Variants in ANKS3 observed in about 807,000 individuals in gnomAD.
ANKS3 encodes ankyrin repeat and sterile alpha motif domain containing 3.
In ANKS3, 62 loss-of-function variants were observed where a neutral mutation model predicts 80.7. That is an observed-to-expected ratio of 0.77 (90% CI 0.63 to 0.95). The LOEUF is 0.95. Ranked by LOEUF, ANKS3 falls within the 40% of genes least tolerant of loss-of-function variation. The pLI is 0.00. For synonymous variants in ANKS3, 489 were observed against 355.3 expected, an observed-to-expected ratio of 1.38 and a Z score of -4.23; for missense variants, 1,150 against 883.6, an observed-to-expected ratio of 1.30 and a Z score of -3.82.
chr16:4,733,368 T>A (rs1374930282), intron 1 of ANKS3, among the ~76,000 whole-genome samples: 1 of 152,010 alleles, frequency 6.6e-6, no homozygotes, highest in Non-Finnish European at 1.5e-5. Context: ...CTCGGCTCAA[T>A]GCAACCTCCG....
In ANKS3 at chr16:4,697,457, C is replaced by T. The variant is rs190818269; in HGVS notation, c.1811-41G>A. On this transcript the variant is annotated intron_variant, in intron 15 of 17. Coordinates refer to ENST00000304283, the MANE Select transcript of ANKS3 (RefSeq NM_133450.4). ...AGGGACCGAGTTAGCTGGGGGTCTGCGTCCCCACAGGCCCTGCTTTATTCT... is the reference window on the plus strand; with the variant it reads ...AGGGACCGAGTTAGCTGGGGGTCTGTGTCCCCACAGGCCCTGCTTTATTCT... The T allele has an allele frequency of 5.9e-5, 87 of 1,481,358 alleles. No individual in the cohort carries two copies. In the East Asian group the frequency reaches 8.2e-4, roughly 14 times the overall value. The allele number at this position is 1,481,358 out of a possible 1,614,324, so 91.8% of individuals were successfully genotyped here. A position where few individuals can be genotyped will look rare whatever the true frequency, so the allele number is the denominator to read the frequency against.
In ANKS3 at chr16:4,705,138, G is replaced by C. The variant is rs1044189911; in HGVS notation, c.825C>G (p.Ile275Met). Reference sequence around the variant, plus strand: ...CTCTGCCGCCCAGGCCAATGCCTGTGATCCTGGCCAGGGCTCGCGGTCCCT... The same window carrying C: ...CTCTGCCGCCCAGGCCAATGCCTGTCATCCTGGCCAGGGCTCGCGGTCCCT... ...IHEGPRALAR[I>M]TGIGLGGRAP... Residue 275 changes from isoleucine (I) to methionine (M), a missense_variant, in exon 8 of 18, where the codon ATC becomes ATG. Physicochemically the swap from Ile to Met is conservative, Grantham distance 10. Transcript: ENST00000304283. The C allele has an allele frequency of 1.9e-6, 3 of 1,613,484 alleles. No homozygotes were observed. The East Asian group carries it at 6.7e-5, about 36-fold the overall frequency.
rs981152304 is a variant in ANKS3 at position 4,702,178 on chromosome 16, CTCT to C, written c.930_932del (p.Glu311del). The C allele has an allele frequency of 6.3e-7, 1 of 1,593,854 alleles. No individual in the cohort carries two copies. The highest frequency in any genetic ancestry group is 1.4e-5 in the African/African-American group (1 of 73,490). On this transcript the variant is annotated inframe_deletion, in exon 9 of 18. Coordinates refer to ENST00000304283, the MANE Select transcript of ANKS3 (RefSeq NM_133450.4). ...AGGTGACATCCCGGCAGCAGAGGCC[CTCT>C]TCTTCCAGGGGGTTCTCGCCACTGC...
intron 7 of ANKS3, among the ~76,000 whole-genome samples, chr16:4,707,629 A>C (rs1278696429): frequency 6.6e-6 from 1 of 152,164 alleles, no homozygotes; most frequent in East Asian, 1.9e-4. Flanking sequence ...AATCTATAAC[A>C]AGTTATGAAA....
intron 7 of ANKS3, among the ~76,000 whole-genome samples, chr16:4,706,289 G>A (rs1418730109): frequency 6.6e-6 from 1 of 151,820 alleles, no homozygotes; most frequent in East Asian, 1.9e-4. Flanking sequence ...GGAGTGCAAT[G>A]GTGCGATCAC....
intron 1 of ANKS3, among the ~76,000 whole-genome samples, chr16:4,732,774 GT>G (rs1401886079): frequency 1.3e-5 from 2 of 150,696 alleles, no homozygotes; most frequent in Admixed American, 1.3e-4. Flanking sequence ...AGACGTTTTA[GT>G]TTTCATTCAA....
chr16:4,722,353 G>A lies in ANKS3; in HGVS notation c.573+2397C>T, dbSNP rs572145738. ...CCCAGCACTTTGGGAGGCCAGGGCG[G>A]GCAGATCATGAGGTCAGGAGATCGA... On this transcript the variant is annotated intron_variant, in intron 6 of 17. Coordinates refer to ENST00000304283, the MANE Select transcript of ANKS3 (RefSeq NM_133450.4). 3.3e-5 allele frequency among the ~76,000 whole-genome samples: 5 copies of A among 151,798 alleles called. No individual in the cohort carries two copies. The South Asian group carries it at 1.0e-3, about 32-fold the overall frequency.
rs1337708787 is a variant in ANKS3 at position 4,698,449 on chromosome 16, C to T, written c.1702G>A (p.Ala568Thr). The change falls in exon 14 of 18, where the codon GCC becomes ACC. Residue 568 changes from alanine (A) to threonine (T), a missense_variant. Physicochemically the swap from Ala to Thr is moderately conservative, Grantham distance 58. Coordinates refer to ENST00000304283, the MANE Select transcript of ANKS3 (RefSeq NM_133450.4). ...CACCGCAGCTGGTCCAGGACGAGGG[C>T]AGCATCCCGGGCCAGGGCCCACGTC... ...RETWALARDA[A>T]LVLDQLRACQ... 13 of 1,537,090 alleles carry T rather than the reference C, an allele frequency of 8.5e-6. No individual in the cohort carries two copies. The highest frequency in any genetic ancestry group is 2.4e-5 in the South Asian group (2 of 82,428).
intron 5 of ANKS3, among the ~76,000 whole-genome samples, chr16:4,725,651 A>C (rs2081309854): frequency 1.3e-5 from 2 of 152,244 alleles, no homozygotes; most frequent in East Asian, 3.9e-4. Flanking sequence ...TATAAAACTC[A>C]TGACTGGTTT....
At chr16:4,722,347 A>G (rs1051010835) in intron 6 of ANKS3, among the ~76,000 whole-genome samples, 10 of 151,630 alleles carry the variant, frequency 6.6e-5, no homozygotes, top group African/African-American at 2.2e-4. Context: ...TTGGGAGGCC[A>G]GGGCGGGCAG....
intron 6 of ANKS3, among the ~76,000 whole-genome samples, chr16:4,718,372 G>C (rs890615898): frequency 6.6e-6 from 1 of 152,204 alleles, no homozygotes; most frequent in Non-Finnish European, 1.5e-5. Context: ...CTATCCGGAA[G>C]GCACGAATCA....
In ANKS3 at chr16:4,705,172, C is replaced by T. The variant is rs1313638596; in HGVS notation, c.791G>A (p.Ser264Asn). ...RQRPCRKKGV[S>N]IHEGPRALAR... ...CAGGGCTCGCGGTCCCTCGTGGATG[C>T]TGACACCCTTCTTCCGGCAAGGCCT... Residue 264 changes from serine (S) to asparagine (N), a missense_variant, in exon 8 of 18, where the codon AGC becomes AAC. Coordinates refer to ENST00000304283, the MANE Select transcript of ANKS3 (RefSeq NM_133450.4). 1.2e-6 allele frequency: 2 copies of T among 1,613,784 alleles called. No individual in the cohort carries two copies. The highest frequency in any genetic ancestry group is 8.5e-7 in the Non-Finnish European group (1 of 1,180,060).
chr16:4,724,980 G>T, intron 5 of ANKS3, 149 bp from the exon 6 acceptor site: 1 of 622,844 alleles, frequency 1.6e-6, no homozygotes. Context: ...CAGGTGACAT[G>T]AGAACAGTGA....
In ANKS3 at chr16:4,702,164, C is replaced by A. The variant is rs762837134; in HGVS notation, c.947G>T (p.Arg316Leu). 6.3e-7 allele frequency: 1 copy of A among 1,592,838 alleles called. No homozygotes were observed. Among genetic ancestry groups the A allele is most frequent in the Non-Finnish European group, 8.5e-7 (1 of 1,171,176 alleles). The stretch of plus-strand genomic sequence containing the variant: ...CTCATTGATGGGGGAGGTGACATCC[C>A]GGCAGCAGAGGCCCTCTTCTTCCAG... ...NPLEEEGLCC[R>L]DVTSPINERD... The change falls in exon 9 of 18, where the codon CGG becomes CTG. Residue 316 changes from arginine (R) to leucine (L), a missense_variant. Coordinates refer to ENST00000304283, the MANE Select transcript of ANKS3 (RefSeq NM_133450.4).
intron 7 of ANKS3, among the ~76,000 whole-genome samples, chr16:4,707,725 A>C (rs992961358): frequency 7.9e-5 from 12 of 152,258 alleles, no homozygotes; most frequent in Non-Finnish European, 1.5e-4. Context: ...CTAAGAGTAC[A>C]TAATCCTAAA....
At chr16:4,706,559 A>G (rs957191762) in intron 7 of ANKS3, among the ~76,000 whole-genome samples, 4 of 152,212 alleles carry the variant, frequency 2.6e-5, no homozygotes, top group African/African-American at 7.2e-5. Context: ...TTTCTAAAGC[A>G]TGGCATGTGT....
At chr16:4,714,000 G>C (rs1567375757) in intron 7 of ANKS3, 51 bp downstream of exon 7, 1 of 1,601,410 alleles carries the variant, frequency 6.2e-7, no homozygotes. Context: ...GTCACCTAAA[G>C]CTCAAGGCAA....
In ANKS3 at chr16:4,727,145, C is replaced by A; in HGVS notation, c.203G>T (p.Gly68Val). The A allele has an allele frequency of 2.5e-6, 4 of 1,614,192 alleles. No homozygotes were observed. In the South Asian group the frequency reaches 4.4e-5, roughly 18 times the overall value. ...GGCATACATCAGCGGGGTCCAGCCA[C>A]CACCATTCTTCTTATTCAAATCTAA... is the stretch of plus-strand genomic sequence containing the variant. The part of the protein sequence containing the change: ...RELDLNKKNG[G>V]GWTPLMYASY... Residue 68 changes from glycine (G) to valine (V), a missense_variant, in exon 4 of 18, where the codon GGT (glycine) becomes GTT (valine). Physicochemically the swap from Gly to Val is moderately radical, Grantham distance 109. Coordinates refer to ENST00000304283, the MANE Select transcript of ANKS3 (RefSeq NM_133450.4).
rs146798732 is a variant in ANKS3 at position 4,714,083 on chromosome 16, G to A, written c.677C>T (p.Pro226Leu). Reference protein sequence around the residue: ...KIVALMDTYSPSLPKSLYRSP... With the variant: ...KIVALMDTYSLSLPKSLYRSP... ...CCGATAGAGGCTCTTGGGCAGAGAG[G>A]GCGAGTAAGTGTCCATCAAGGCCAC... Residue 226 changes from proline (P) to leucine (L), a missense_variant, in exon 7 of 18, where the codon CCC becomes CTC. By Grantham distance (98) the Pro-to-Leu change is moderately conservative. Transcript: ENST00000304283. 7.4e-6 allele frequency: 12 copies of A among 1,614,088 alleles called. No individual in the cohort carries two copies. In the African/African-American group the frequency reaches 1.2e-4, roughly 16 times the overall value.
Sources: gnomAD v4.1 joint callset for allele counts (sites outside exome capture counted in the v4.1 genomes callset) on GRCh38, gnomAD v4.1.1 for gene constraint, MANE v1.5 for transcripts, NCBI Gene and HGNC (gene_info 2026-07-23, HGNC 2026-07-21) for gene names.